The following ZNF844 variants were observed in gnomAD, a reference collection of about 807,000 sequenced individuals.
The protein encoded by ZNF844 is zinc finger protein 844.
A neutral mutation model predicts 11.4 loss-of-function variants in ZNF844; 11 were observed. The observed-to-expected ratio is 0.97, with a 90% CI of 0.61 to 1.60. The LOEUF (loss-of-function observed/expected upper bound fraction) is 1.60. Ranked by LOEUF, ZNF844 falls within the 40% of genes most tolerant of loss-of-function variation. The pLI is 0.00. For synonymous variants in ZNF844, 248 were observed against 260.3 expected (o/e 0.95, Z 0.46); for missense variants, 790 against 796.8 (o/e 0.99, Z 0.10).
chr19:12,074,495 C>T, intron 3 of ZNF844, 74 bp downstream of exon 3: 1 of 1,055,420 alleles, frequency 9.5e-7, no homozygotes, highest in Non-Finnish European at 1.4e-6. Flanking sequence ...TAAGAAGAAG[C>T]AAATAAAGGA....
chr19:12,072,844 C>T (rs1975765959), intron 1 of ZNF844, among the ~76,000 whole-genome samples: 1 of 152,130 alleles, frequency 6.6e-6, no homozygotes, highest in Admixed American at 6.5e-5. Context: ...CTCGGCCTCC[C>T]AAAGTGCTGG....
intron 1 of ZNF844, among the ~76,000 whole-genome samples, chr19:12,067,539 G>A (rs1403052320): frequency 7.4e-5 from 11 of 148,464 alleles, no homozygotes; most frequent in East Asian, 2.0e-4. Context: ...CCTGGGAGGC[G>A]GAGGTTGCAG....
In ZNF844 at chr19:12,076,462, A is replaced by G. The variant is rs1975820807; in HGVS notation, c.1342A>G (p.Met448Val). 7.4e-6 allele frequency: 12 copies of G among 1,613,586 alleles called. No homozygotes were observed. In the African/African-American group the frequency reaches 8.0e-5, roughly 11 times the overall value. Residue 448 changes from methionine (M) to valine (V), a missense_variant, in exon 4 of 4, where the codon ATG becomes GTG. By Grantham distance (21) the Met-to-Val change is conservative (BLOSUM62 1). This residue lies in a region of ZNF844 where 657 missense variants were observed against 636.2 expected (regional missense o/e 1.03). Transcript: ENST00000439326. ...AGGACTCACACTGGAGAGAAACCGT[A>G]TGAGTGTAAGCAATGTGGGAAAGCC... ...MKGLTLERNR[M>V]SVSNVGKPSD...
chr19:12,074,904 T>C (rs1195044777), intron 3 of ZNF844, among the ~76,000 whole-genome samples: 2 of 152,218 alleles, frequency 1.3e-5, no homozygotes, highest in African/African-American at 4.8e-5. Context: ...GGAAATATTA[T>C]GAAGAATTCT....
chr19:12,078,044 T>C lies in ZNF844; in HGVS notation c.*923T>C, dbSNP rs571618494. The C allele has an allele frequency of 1.7e-4, 28 of 165,862 alleles. No homozygotes were observed. Among genetic ancestry groups the C allele is most frequent in the Non-Finnish European group, 3.0e-4 (23 of 77,146 alleles). The allele number at this position is 165,862 out of a possible 1,614,324, so 10.3% of individuals were successfully genotyped here. On this transcript the variant is annotated 3_prime_UTR_variant, in exon 4 of 4. Coordinates refer to ENST00000439326, the MANE Select transcript of ZNF844 (RefSeq NM_001136501.3). ...CGGAGTTTCATCGTGTTAGCCAGGA[T>C]GGTCTCAATCTCCTGACCTCGTGAT...
chr19:12,072,249 T>C (rs1158684549), intron 1 of ZNF844, among the ~76,000 whole-genome samples: 1 of 152,250 alleles, frequency 6.6e-6, no homozygotes, highest in East Asian at 1.9e-4. Flanking sequence ...GACTAAATAC[T>C]ATCCCATTGT....
chr19:12,067,860 CG>C (rs201461293), intron 1 of ZNF844, among the ~76,000 whole-genome samples: 2,577 of 148,542 alleles, frequency 0.017, 74 homozygotes, highest in African/African-American at 0.054. Flanking sequence ...TGCAGTGAGC[CG>C]AGATCGCGCC....
intron 1 of ZNF844, among the ~76,000 whole-genome samples, chr19:12,069,096 G>A (rs1420957115): frequency 6.6e-6 from 1 of 151,628 alleles, no homozygotes; most frequent in Non-Finnish European, 1.5e-5. Context: ...GAGGCTAGTT[G>A]TCCTAAGGTT....
chr19:12,072,121 G>A (rs552670494), intron 1 of ZNF844, among the ~76,000 whole-genome samples: 27 of 152,124 alleles, frequency 1.8e-4, no homozygotes, highest in African/African-American at 6.3e-4. Flanking sequence ...TCCTGACCTC[G>A]TGATCCACTC....
intron 1 of ZNF844, among the ~76,000 whole-genome samples, chr19:12,066,134 C>T (rs562536381): frequency 1.2e-4 from 19 of 152,084 alleles, no homozygotes; most frequent in African/African-American, 4.6e-4. Flanking sequence ...CCATGTTGCC[C>T]AGGCTGGTCT....
chr19:12,064,905 G>A (rs1483531572), intron 1 of ZNF844, 29 bp downstream of exon 1: 2 of 1,548,382 alleles, frequency 1.3e-6, no homozygotes, highest in East Asian at 2.5e-5. Context: ...TGGGAGTCCC[G>A]AGACTTGGGG....
At chr19:12,071,306 C>T (rs535249440) in intron 1 of ZNF844, among the ~76,000 whole-genome samples, 3 of 152,226 alleles carry the variant, frequency 2.0e-5, no homozygotes, top group African/African-American at 4.8e-5. Context: ...CCATGTGCCC[C>T]GAGAATACTC....
intron 2 of ZNF844, 99 bp downstream of exon 2, chr19:12,074,256 A>G: frequency 1.3e-6 from 2 of 1,552,668 alleles, no homozygotes; most frequent in Non-Finnish European, 1.8e-6. Flanking sequence ...CAATACTTTG[A>G]TGAATAAATG....
At position 12,075,632 on chromosome 19, in the gene ZNF844, G is replaced by A. The variant is rs774260288; in HGVS notation, c.512G>A (p.Cys171Tyr). 1.2e-6 allele frequency: 2 copies of A among 1,612,646 alleles called. No homozygotes were observed. Among genetic ancestry groups the A allele is most frequent in the East Asian group, 2.2e-5 (1 of 44,866 alleles). The part of the protein sequence containing the change: ...KAHTGEKLYD[C>Y]KECGKTFISH... ...CACACTGGAGAAAAACTCTATGATT[G>A]TAAAGAATGTGGAAAAACCTTCATA... The change falls in exon 4 of 4, where the codon TGT (cysteine) becomes TAT (tyrosine). Residue 171 changes from cysteine (C) to tyrosine (Y), a missense_variant. Cys to Tyr is a radical substitution (Grantham distance 194). Transcript: ENST00000439326.
Position 12,077,930 on chromosome 19 carries a change from G to A in ZNF844, c.*809G>A, listed in dbSNP as rs113273505. ...TGCAAGCTCCACCTCCTGGGTTCAC[G>A]CCATTCTCCTGCCTCAGTCTCCTGA... On this transcript the variant is annotated 3_prime_UTR_variant, in exon 4 of 4. Coordinates refer to ENST00000439326, the MANE Select transcript of ZNF844 (RefSeq NM_001136501.3). The A allele has an allele frequency of 0.1, 20,501 of 198,424 alleles. 1,284 individuals carry two copies. Among genetic ancestry groups the A allele is most frequent in the East Asian group, 0.29 (1,802 of 6,312 alleles). 12.3% of individuals were successfully genotyped at this position (198,424 alleles called of 1,614,324 possible).
At chr19:12,066,184 C>G (rs997507920) in intron 1 of ZNF844, among the ~76,000 whole-genome samples, 33 of 152,096 alleles carry the variant, frequency 2.2e-4, no homozygotes, top group East Asian at 3.9e-4. Context: ...CCTCGGCCCC[C>G]CAAAGTGCTG....
Position 12,080,577 on chromosome 19 carries a change from G to A in ZNF844, c.*3456G>A, listed in dbSNP as rs1975886524. ...CCTGAATCTTTGGCTTGCCAATCAA[G>A]AATGTCCTCAAAATTTGCTCAGAGG... On this transcript the variant is annotated 3_prime_UTR_variant, in exon 4 of 4. Coordinates refer to ENST00000439326, the MANE Select transcript of ZNF844 (RefSeq NM_001136501.3). The A allele has an allele frequency of 5.7e-6, 1 of 174,268 alleles. No homozygotes were observed. The highest frequency in any genetic ancestry group is 1.2e-5 in the Non-Finnish European group (1 of 80,810). 10.8% of individuals were successfully genotyped at this position (174,268 alleles called of 1,614,324 possible). A position where few individuals can be genotyped will look rare whatever the true frequency, so the allele number is the denominator to read the frequency against.
intron 3 of ZNF844, 27 bp from the exon 4 acceptor site, chr19:12,075,285 C>T (rs1205220187): frequency 1.5e-6 from 2 of 1,360,956 alleles, no homozygotes; most frequent in East Asian, 5.5e-5. Context: ...AACAAACCTT[C>T]AATAATGTGT....
rs1216985519 is a variant in ZNF844, at chr19:12,075,862, A to G, written c.742A>G (p.Thr248Ala). Residue 248 changes from threonine to alanine, a missense_variant, in exon 4 of 4, where the codon ACT becomes GCT. Coordinates refer to ENST00000439326, the MANE Select transcript of ZNF844 (RefSeq NM_001136501.3). ...CCTTCAAATACATGAAAGAACTCACACTGGAGAGAAGCCTTATGAATGTAA... is the reference window on the plus strand; with the variant it reads ...CCTTCAAATACATGAAAGAACTCACGCTGGAGAGAAGCCTTATGAATGTAA... ...TSLQIHERTHTGEKPYECKEC... is the reference protein window; with the variant it reads ...TSLQIHERTHAGEKPYECKEC... 1 of 1,611,594 alleles carries G rather than the reference A, an allele frequency of 6.2e-7. No individual in the cohort carries two copies.
Sources: allele counts gnomAD v4.1 joint callset (sites outside exome capture counted in the v4.1 genomes callset), GRCh38; gene constraint gnomAD v4.1.1; regional missense constraint gnomAD v4.1.1; transcripts MANE v1.5; gene names NCBI Gene and HGNC (gene_info 2026-07-23, HGNC 2026-07-21).